SYN3: variants seen among roughly 807,000 people sequenced by gnomAD.
The protein encoded by SYN3 is synapsin-3.
SYN3 carries 35 observed loss-of-function variants against 65.8 expected under a neutral mutation model. The observed-to-expected ratio is 0.53, with a 90% CI of 0.41 to 0.70. The LOEUF is 0.70. SYN3 is among the 30% of genes least tolerant of loss of function. The pLI is 0.00. For missense variants in SYN3, 680 were observed against 749.0 expected, an observed-to-expected ratio of 0.91 and a Z score of 1.08; for synonymous variants, 270 against 292.9, an observed-to-expected ratio of 0.92 and a Z score of 0.80.
chr22:32,975,128 T>A (rs1041100455), intron 3 of SYN3, among the ~76,000 whole-genome samples: 1 of 152,056 alleles, frequency 6.6e-6, no homozygotes. Context: ...TGTAATCCCA[T>A]CACTTTGGGA....
chr22:32,681,360 G>C (rs1024020500), intron 6 of SYN3, among the ~76,000 whole-genome samples: 4 of 152,140 alleles, frequency 2.6e-5, no homozygotes, highest in Non-Finnish European at 5.9e-5. Context: ...TAGAGGAATG[G>C]TTCTCAACCA....
intron 6 of SYN3, among the ~76,000 whole-genome samples, chr22:32,642,012 G>C (rs1293835280): frequency 2.6e-5 from 4 of 152,010 alleles, no homozygotes; most frequent in Admixed American, 1.3e-4. Context: ...GTTAAGGCCC[G>C]GGTGCGGTGG....
intron 3 of SYN3, among the ~76,000 whole-genome samples, chr22:32,959,849 C>T (rs1187046340): frequency 6.6e-6 from 1 of 152,202 alleles, no homozygotes; most frequent in Non-Finnish European, 1.5e-5. Flanking sequence ...TTTGCCTTGG[C>T]CTTCCAAAGT....
chr22:32,996,124 T>C (rs1180892780), intron 2 of SYN3, among the ~76,000 whole-genome samples: 2 of 152,144 alleles, frequency 1.3e-5, no homozygotes, highest in Non-Finnish European at 2.9e-5. Flanking sequence ...AATTTACCCT[T>C]AATAATGGTA....
intron 3 of SYN3, among the ~76,000 whole-genome samples, chr22:32,945,470 G>C (rs2051078694): frequency 6.6e-6 from 1 of 152,092 alleles, no homozygotes; most frequent in Non-Finnish European, 1.5e-5. Flanking sequence ...AATGGTGCTG[G>C]GAAAACTGGC....
intron 6 of SYN3, chr22:32,849,646 C>A: frequency 1.1e-6 from 1 of 896,692 alleles, no homozygotes; most frequent in South Asian, 1.4e-5. Flanking sequence ...TAAGCACCAG[C>A]CAGACCCAGC....
chr22:33,001,910 C>G (rs1003607471), intron 2 of SYN3, among the ~76,000 whole-genome samples: 1 of 152,120 alleles, frequency 6.6e-6, no homozygotes, highest in Admixed American at 6.5e-5. Context: ...CATGCAAAGA[C>G]GTAACTTCCC....
chr22:32,746,998 G>A (rs1033627731), intron 6 of SYN3, among the ~76,000 whole-genome samples: 20 of 152,178 alleles, frequency 1.3e-4, no homozygotes, highest in Non-Finnish European at 2.4e-4. Context: ...CAAAAAGGGC[G>A]GGAGGTAGAC....
intron 6 of SYN3, among the ~76,000 whole-genome samples, chr22:32,838,573 G>A (rs897152993): frequency 1.3e-5 from 2 of 152,106 alleles, no homozygotes; most frequent in African/African-American, 4.8e-5. Context: ...AAGTTCATGG[G>A]GGTCTCCTGT....
At chr22:33,021,835 T>C (rs1407147995) in intron 1 of SYN3, among the ~76,000 whole-genome samples, 1 of 151,480 alleles carries the variant, frequency 6.6e-6, no homozygotes, top group African/African-American at 2.4e-5. Flanking sequence ...TTTCATAGAA[T>C]GTAAGCTCCC....
At chr22:32,842,997 CA>C (rs2047957215) in intron 6 of SYN3, among the ~76,000 whole-genome samples, 1 of 152,118 alleles carries the variant, frequency 6.6e-6, no homozygotes, top group African/African-American at 2.4e-5. Context: ...GTGGGGAATG[CA>C]GTAAAATTAT....
chr22:32,546,141 T>C (rs912722231), intron 7 of SYN3, among the ~76,000 whole-genome samples: 1 of 152,104 alleles, frequency 6.6e-6, no homozygotes, highest in Non-Finnish European at 1.5e-5. Context: ...GTATGACACC[T>C]GGGCAATAAA....
chr22:32,648,719 G>A lies in SYN3; in HGVS notation c.712-51983C>T, dbSNP rs116824812. Among the ~76,000 whole-genome samples, 886 of 152,314 alleles carry A rather than the reference G, an allele frequency of 5.8e-3. 10 individuals carry two copies. The highest frequency in any genetic ancestry group is 0.02 in the African/African-American group (814 of 41,574). ...AAAATGGGAACGTACTACCTCTTGA[G>A]GTTGCTGAAAGATTAAATGACATCA... On this transcript the variant is annotated intron_variant, in intron 6 of 13. Transcript: ENST00000358763.
At chr22:32,572,457 T>TTCCTTCC (rs2058788308) in intron 7 of SYN3, among the ~76,000 whole-genome samples, 1 of 127,656 alleles carries the variant, frequency 7.8e-6, no homozygotes, top group Non-Finnish European at 1.6e-5. Flanking sequence ...CTTTCCTCCC[T>TTCCTTCC]TCCTTCCTTC....
intron 6 of SYN3, among the ~76,000 whole-genome samples, chr22:32,704,441 C>T (rs960293912): frequency 6.6e-6 from 1 of 152,218 alleles, no homozygotes; most frequent in South Asian, 2.1e-4. Context: ...TGTATATGTA[C>T]ATTTTCTTTA....
chr22:32,688,373 T>C (rs2060619799), intron 6 of SYN3, among the ~76,000 whole-genome samples: 2 of 152,082 alleles, frequency 1.3e-5, no homozygotes, highest in Non-Finnish European at 1.5e-5. Flanking sequence ...TCAAAATTGG[T>C]CAACATATAT....
chr22:32,727,273 A>G (rs1037492035), intron 6 of SYN3, among the ~76,000 whole-genome samples: 3 of 152,206 alleles, frequency 2.0e-5, no homozygotes, highest in African/African-American at 4.8e-5. Flanking sequence ...TTTGCTGAGG[A>G]TAATGGCTTA....
chr22:32,859,531 G>T lies in SYN3; in HGVS notation c.711+5384C>A. The T allele has an allele frequency of 4.1e-6, 4 of 975,812 alleles. No individual in the cohort carries two copies. The South Asian group carries it at 6.8e-5, about 17-fold the overall frequency. 60.4% of individuals were successfully genotyped at this position (975,812 alleles called of 1,614,324 possible). On this transcript the variant is annotated intron_variant, in intron 6 of 13. Coordinates refer to ENST00000358763, the MANE Select transcript of SYN3 (RefSeq NM_003490.4). ...AAGAAAGGTCTATGCTGTCATATGGGGTTTATTGGGAACTATCCTCCTGGC... is the reference window on the plus strand; with the variant it reads ...AAGAAAGGTCTATGCTGTCATATGGTGTTTATTGGGAACTATCCTCCTGGC...
At chr22:33,018,252 GA>G (rs1235277545) in intron 1 of SYN3, among the ~76,000 whole-genome samples, 1 of 152,180 alleles carries the variant, frequency 6.6e-6, no homozygotes, top group African/African-American at 2.4e-5. Flanking sequence ...TTTTCCTCTT[GA>G]ATCATTAGGA....
Sources: gnomAD v4.1 joint callset for allele counts (sites outside exome capture counted in the v4.1 genomes callset) on GRCh38, gnomAD v4.1.1 for gene constraint, MANE v1.5 for transcripts, NCBI Gene and HGNC (gene_info 2026-07-23, HGNC 2026-07-21) for gene names.